DOCK8: variants seen among roughly 807,000 people sequenced by gnomAD.
DOCK8 encodes dedicator of cytokinesis 8.
Under a neutral mutation model 245.6 loss-of-function variants are expected in DOCK8, and 141 were observed. The ratio of observed to expected loss-of-function variants is 0.57; its 90% CI spans 0.50 to 0.66. DOCK8 has a LOEUF of 0.66. Ranked by LOEUF, DOCK8 falls within the 30% of genes least tolerant of loss-of-function variation. The probability of loss-of-function intolerance (pLI) is 0.00; values close to 1 mark genes in which losing one functional copy is unlikely to be tolerated. For synonymous variants in DOCK8, 1,168 were observed against 970.2 expected (o/e 1.20, Z -3.79); for missense variants, 2,965 against 2,603.4 (o/e 1.14, Z -3.02).
intron 3 of DOCK8, among the ~76,000 whole-genome samples, chr9:287,104 A>G (rs1563877778): frequency 6.6e-6 from 1 of 152,232 alleles, no homozygotes; most frequent in East Asian, 1.9e-4. Context: ...GTAAACCCAC[A>G]TTTATTGAGC....
chr9:239,811 CCTG>C (rs2047339404), intron 1 of DOCK8, among the ~76,000 whole-genome samples: 1 of 152,058 alleles, frequency 6.6e-6, no homozygotes, highest in African/African-American at 2.4e-5. Context: ...TGTATCATAA[CCTG>C]CTTTTTTATT....
At chr9:418,261 C>CTGTTT (rs1218784077) in intron 30 of DOCK8, 54 bp downstream of exon 30, 1 of 1,609,232 alleles carries the variant, frequency 6.2e-7, no homozygotes, top group African/African-American at 1.3e-5. Flanking sequence ...CTTCTGTCTT[C>CTGTTT]TGTTTTGTTT....
intron 2 of DOCK8, among the ~76,000 whole-genome samples, chr9:279,307 T>C (rs2048479831): frequency 6.6e-6 from 1 of 152,204 alleles, no homozygotes; most frequent in Non-Finnish European, 1.5e-5. Flanking sequence ...TGTTGAGGTG[T>C]AATTGGAAAA....
intron 45 of DOCK8, among the ~76,000 whole-genome samples, chr9:450,789 T>A (rs1482983870): frequency 6.7e-6 from 1 of 149,112 alleles, no homozygotes; most frequent in African/African-American, 2.5e-5. Flanking sequence ...TGGAAGACTT[T>A]CCAAGCCCAC....
chr9:328,056 A>G lies in DOCK8; in HGVS notation c.929A>G (p.Asp310Gly), dbSNP rs1457254563. 1.9e-6 allele frequency: 3 copies of G among 1,614,160 alleles called. No homozygotes were observed. In the South Asian group the frequency reaches 3.3e-5, roughly 18 times the overall value. Residue 310 changes from aspartate to glycine, a missense_variant, in exon 9 of 48, where the codon GAC becomes GGC. Physicochemically the swap from Asp to Gly is moderately conservative, Grantham distance 94. Coordinates refer to ENST00000432829, the MANE Select transcript of DOCK8 (RefSeq NM_203447.4). ...SENFHCDLNS[D>G]QFKGFLRAHT... ...AATTTTCACTGTGACCTGAACTCTG[A>G]CCAGTTCAAAGGATTTCTGCGAGCT...
intron 13 of DOCK8, among the ~76,000 whole-genome samples, 174 bp from the exon 14 acceptor site, chr9:339,985 C>A (rs560270712): frequency 1.3e-5 from 2 of 152,156 alleles, no homozygotes; most frequent in African/African-American, 4.8e-5. Context: ...GGCTAAATCT[C>A]GAAAGTTATC....
At chr9:329,699 C>G (rs1368617885) in intron 9 of DOCK8, among the ~76,000 whole-genome samples, 1 of 152,200 alleles carries the variant, frequency 6.6e-6, no homozygotes, top group Non-Finnish European at 1.5e-5. Context: ...GAAGCCAACA[C>G]TAGTTCTATA....
intron 18 of DOCK8, among the ~76,000 whole-genome samples, chr9:375,997 A>G (rs555644257): frequency 1.3e-5 from 2 of 152,294 alleles, no homozygotes; most frequent in South Asian, 2.1e-4. Context: ...CCCTGTCTCA[A>G]AAGGAATGAA....
chr9:318,433 A>C (rs767056846), intron 7 of DOCK8, among the ~76,000 whole-genome samples: 1 of 152,210 alleles, frequency 6.6e-6, no homozygotes, highest in Non-Finnish European at 1.5e-5. Context: ...CCTATAAATG[A>C]AGTTGATAGA....
intron 30 of DOCK8, among the ~76,000 whole-genome samples, chr9:418,723 C>G (rs958197774): frequency 6.6e-6 from 1 of 152,178 alleles, no homozygotes; most frequent in African/African-American, 2.4e-5. Context: ...AGATCAAATT[C>G]AGGCAGTCCC....
intron 1 of DOCK8, among the ~76,000 whole-genome samples, chr9:217,801 C>A (rs1383447680): frequency 6.6e-6 from 1 of 152,036 alleles, no homozygotes; most frequent in Non-Finnish European, 1.5e-5. Context: ...AAGTCTTGTA[C>A]AGAAGAGGAA....
At chr9:253,293 T>C (rs555991776) in intron 1 of DOCK8, among the ~76,000 whole-genome samples, 43 of 152,214 alleles carry the variant, frequency 2.8e-4, no homozygotes, top group Admixed American at 6.5e-4. Context: ...AACTAAACAC[T>C]TCCTATGTGC....
At chr9:412,421 A>G (rs940848564) in intron 28 of DOCK8, among the ~76,000 whole-genome samples, 1 of 149,648 alleles carries the variant, frequency 6.7e-6, no homozygotes, top group Admixed American at 6.7e-5. Context: ...AAAAAAAAAA[A>G]GAAAAAGAAG....
chr9:442,521 A>T (rs2057124895), intron 42 of DOCK8, among the ~76,000 whole-genome samples: 1 of 152,226 alleles, frequency 6.6e-6, no homozygotes, highest in South Asian at 2.1e-4. Flanking sequence ...GCCCGGCTCC[A>T]ACCTGCCAGT....
chr9:454,683 A>T (rs1489023982), intron 46 of DOCK8: 1 of 152,234 alleles, frequency 6.6e-6, no homozygotes, highest in Admixed American at 6.5e-5. Context: ...ATGTTTAAGA[A>T]AACTTGTCAG....
chr9:225,329 C>T (rs1420693869), intron 1 of DOCK8, among the ~76,000 whole-genome samples: 2 of 152,082 alleles, frequency 1.3e-5, no homozygotes, highest in African/African-American at 2.4e-5. Flanking sequence ...CTCAGCTGGG[C>T]CCTGAAGGGA....
chr9:235,712 G>A (rs369800186), intron 1 of DOCK8, among the ~76,000 whole-genome samples: 2 of 152,198 alleles, frequency 1.3e-5, no homozygotes, highest in African/African-American at 4.8e-5. Flanking sequence ...CCATGTGTGG[G>A]ATATAATCTC....
intron 20 of DOCK8, among the ~76,000 whole-genome samples, chr9:377,647 T>C (rs1208538584): frequency 6.6e-6 from 1 of 152,160 alleles, no homozygotes; most frequent in African/African-American, 2.4e-5. Flanking sequence ...AAACTCACTA[T>C]TTTAAAGTGT....
Position 266,667 on chromosome 9 carries a change from T to G in DOCK8, c.54-4960T>G, listed in dbSNP as rs572756570. 1.4e-3 allele frequency among the ~76,000 whole-genome samples: 211 copies of G among 152,304 alleles called. 1 individual carries two copies. Among genetic ancestry groups the G allele is most frequent in the African/African-American group, 4.8e-3 (199 of 41,572 alleles). On this transcript the variant is annotated intron_variant, in intron 1 of 47. Coordinates refer to ENST00000432829, the MANE Select transcript of DOCK8 (RefSeq NM_203447.4). ...TGTATATCATAATTATCTGCTGATCTGAAAAAAACATAGAGCTTCTCTACC... is the reference window on the plus strand; with the variant it reads ...TGTATATCATAATTATCTGCTGATCGGAAAAAAACATAGAGCTTCTCTACC...
Sources: gnomAD v4.1 joint callset for allele counts (sites outside exome capture counted in the v4.1 genomes callset) on GRCh38, gnomAD v4.1.1 for gene constraint, MANE v1.5 for transcripts, NCBI Gene and HGNC (gene_info 2026-07-23, HGNC 2026-07-21) for gene names.